Variants in ARB2A observed in about 807,000 individuals in gnomAD.
ARB2A encodes ARB2 cotranscriptional regulator A.
At chr5:93,812,522 T>C in the ARB2A span, among the ~76,000 whole-genome samples, 1 of 152,006 alleles carries the variant, frequency 6.6e-6, no homozygotes, top group Non-Finnish European at 1.5e-5. Context: ...TAGGAGAAAG[T>C]TGAGTGTGTT....
the ARB2A span, among the ~76,000 whole-genome samples, chr5:93,938,501 C>T: frequency 6.6e-6 from 1 of 152,094 alleles, no homozygotes; most frequent in African/African-American, 2.4e-5. Context: ...TTAGTGCTTC[C>T]TACACAACCT....
the ARB2A span, among the ~76,000 whole-genome samples, chr5:94,091,406 T>C: frequency 1.3e-5 from 2 of 152,166 alleles, no homozygotes; most frequent in Admixed American, 1.3e-4. Flanking sequence ...CACAAATGGA[T>C]TTAACATATT....
the ARB2A span, among the ~76,000 whole-genome samples, chr5:93,713,697 C>T: frequency 6.6e-6 from 1 of 152,134 alleles, no homozygotes; most frequent in South Asian, 2.1e-4. Flanking sequence ...TAGGTATATG[C>T]CCCAAAGAAA....
At chr5:93,951,324 T>C in the ARB2A span, among the ~76,000 whole-genome samples, 10 of 152,198 alleles carry the variant, frequency 6.6e-5, no homozygotes, top group Non-Finnish European at 1.2e-4. Context: ...CGGGAACTTT[T>C]TGATTTGAGG....
chr5:93,851,092 T>G, the ARB2A span, among the ~76,000 whole-genome samples: 1 of 152,310 alleles, frequency 6.6e-6, no homozygotes, highest in East Asian at 1.9e-4. Flanking sequence ...CCCAGTTAAG[T>G]ATTTTTATAT....
the ARB2A span, among the ~76,000 whole-genome samples, chr5:94,090,000 G>C: frequency 6.6e-6 from 1 of 151,986 alleles, no homozygotes; most frequent in Non-Finnish European, 1.5e-5. Context: ...CTTTCAGTCA[G>C]TTCTGAATAA....
At chr5:93,992,805 T>C in the ARB2A span, among the ~76,000 whole-genome samples, 36 of 152,204 alleles carry the variant, frequency 2.4e-4, no homozygotes, top group African/African-American at 8.7e-4. Context: ...ATCAAAAGAA[T>C]GGTAATTCTA....
chr5:93,927,780 T>C, the ARB2A span, among the ~76,000 whole-genome samples: 1 of 152,032 alleles, frequency 6.6e-6, no homozygotes, highest in African/African-American at 2.4e-5. Flanking sequence ...GATACCCTAG[T>C]ATTATGACTT....
chr5:93,820,786 A>T, the ARB2A span, among the ~76,000 whole-genome samples: 1 of 152,194 alleles, frequency 6.6e-6, no homozygotes, highest in Non-Finnish European at 1.5e-5. Flanking sequence ...TTAATGACTA[A>T]ATCCTACAAT....
chr5:93,662,692 T>C, the ARB2A span, among the ~76,000 whole-genome samples: 14 of 152,194 alleles, frequency 9.2e-5, no homozygotes, highest in Non-Finnish European at 1.9e-4. Context: ...CCATTACAAT[T>C]ACTGTCCCTC....
chr5:93,862,947 A>G, the ARB2A span: 2 of 150,990 alleles, frequency 1.3e-5, no homozygotes, highest in Non-Finnish European at 3.0e-5. Flanking sequence ...ATATTAACAT[A>G]TTAATTTAGA....
the ARB2A span, among the ~76,000 whole-genome samples, chr5:94,085,176 G>C: frequency 6.6e-6 from 1 of 152,190 alleles, no homozygotes; most frequent in African/African-American, 2.4e-5. Context: ...ATGTACACCA[G>C]GGGACAGACA....
chr5:93,976,825 C>T, the ARB2A span, among the ~76,000 whole-genome samples: 1 of 152,082 alleles, frequency 6.6e-6, no homozygotes, highest in Non-Finnish European at 1.5e-5. Context: ...TATCTCTTTT[C>T]ATTGCTGATA....
At chr5:93,883,059 T>C in the ARB2A span, among the ~76,000 whole-genome samples, 1 of 151,590 alleles carries the variant, frequency 6.6e-6, no homozygotes, top group African/African-American at 2.4e-5. Context: ...TTACTGCACA[T>C]GGTTGGTTTT....
At chr5:94,105,954 T>C in the ARB2A span, among the ~76,000 whole-genome samples, 15 of 151,910 alleles carry the variant, frequency 9.9e-5, no homozygotes, top group Middle Eastern at 3.4e-3. Context: ...AACTGAACCC[T>C]TTCCTTTTAC....
chr5:93,854,958 T>C, the ARB2A span, among the ~76,000 whole-genome samples: 3 of 152,194 alleles, frequency 2.0e-5, no homozygotes, highest in Non-Finnish European at 2.9e-5. Context: ...GAGAGTTCTG[T>C]AGATGTCTAT....
the ARB2A span, among the ~76,000 whole-genome samples, chr5:93,963,983 G>A: frequency 1.3e-5 from 2 of 151,880 alleles, no homozygotes; most frequent in African/African-American, 4.8e-5. Context: ...GGAAGGAGCA[G>A]GGTTATGAAA....
chr5:93,940,516 G>A, the ARB2A span, among the ~76,000 whole-genome samples: 1 of 151,764 alleles, frequency 6.6e-6, no homozygotes, highest in South Asian at 2.1e-4. Context: ...TTTCTAATAT[G>A]TATTGAAATA....
At chr5:93,984,213 T>C in the ARB2A span, among the ~76,000 whole-genome samples, 7 of 152,224 alleles carry the variant, frequency 4.6e-5, no homozygotes, top group African/African-American at 1.7e-4. Flanking sequence ...AAGTAATATA[T>C]AACACAGGAA....
Sources: gnomAD v4.1 joint callset for allele counts (sites outside exome capture counted in the v4.1 genomes callset) on GRCh38, gnomAD v4.1.1 for gene constraint, MANE v1.5 for transcripts, NCBI Gene and HGNC (gene_info 2026-07-23, HGNC 2026-07-21) for gene names.